ASIC2: variants seen among roughly 807,000 people sequenced by gnomAD.
ASIC2 encodes acid-sensing ion channel 2.
ASIC2 carries 25 observed loss-of-function variants against 57.3 expected under a neutral mutation model. That is an observed-to-expected ratio of 0.44 (90% CI 0.32 to 0.61). The LOEUF is 0.61. ASIC2 is among the 20% of genes least tolerant of loss of function. The pLI, the probability that ASIC2 is intolerant of heterozygous loss-of-function variation, is 0.06. For synonymous variants in ASIC2, 319 were observed against 307.5 expected (o/e 1.04, Z -0.39); for missense variants, 641 against 738.1 (o/e 0.87, Z 1.52).
rs144326122 is a variant in ASIC2, at chr17:33,990,194, G to A, written c.555+165784C>T. Among the ~76,000 whole-genome samples the A allele has an allele frequency of 7.8e-3, 1,188 of 152,252 alleles. 25 individuals carry two copies. Among genetic ancestry groups the A allele is most frequent in the African/African-American group, 0.027 (1,129 of 41,538 alleles). ...AAGTCCAAAGAGCCAGACAGGCCTGGTCACAGCTCTGCCTCTTACTAGCTG... is the reference window on the plus strand; with the variant it reads ...AAGTCCAAAGAGCCAGACAGGCCTGATCACAGCTCTGCCTCTTACTAGCTG... On this transcript the variant is annotated intron_variant, in intron 1 of 9. Coordinates refer to the ASIC2 transcript ENST00000359872.
intron 1 of ASIC2, among the ~76,000 whole-genome samples, chr17:33,648,843 G>T (rs1906831344): frequency 6.6e-6 from 1 of 152,170 alleles, no homozygotes; most frequent in African/African-American, 2.4e-5. Context: ...CTATAAAACT[G>T]TATTGTTAAA....
chr17:34,132,610 A>G (rs12952424), intron 1 of ASIC2, among the ~76,000 whole-genome samples: 12 of 71,138 alleles, frequency 1.7e-4, no homozygotes, highest in South Asian at 1.0e-3. Context: ...TTTACAGAGC[A>G]CTGATTGGTG....
chr17:33,250,302 T>G (rs986357930), intron 1 of ASIC2, among the ~76,000 whole-genome samples: 4 of 152,192 alleles, frequency 2.6e-5, no homozygotes, highest in Admixed American at 2.0e-4. Context: ...TTCGAGGAGC[T>G]GGGGTGTGGG....
At chr17:33,345,645 A>G (rs1907913454) in intron 1 of ASIC2, among the ~76,000 whole-genome samples, 1 of 152,246 alleles carries the variant, frequency 6.6e-6, no homozygotes, top group Non-Finnish European at 1.5e-5. Flanking sequence ...AGTTGGGAAC[A>G]AGGAAGAAGA....
At chr17:33,311,367 T>C (rs1347955552) in intron 1 of ASIC2, among the ~76,000 whole-genome samples, 1 of 152,146 alleles carries the variant, frequency 6.6e-6, no homozygotes, top group Non-Finnish European at 1.5e-5. Context: ...CCACCCCATG[T>C]ACATTCTGGT....
chr17:33,510,508 GGTGGT>G (rs1166637737), intron 1 of ASIC2, among the ~76,000 whole-genome samples: 1 of 152,022 alleles, frequency 6.6e-6, no homozygotes, highest in Non-Finnish European at 1.5e-5. Context: ...AGTTGGGTGT[GGTGGT>G]GCATGCCACA....
intron 1 of ASIC2, among the ~76,000 whole-genome samples, chr17:33,394,807 G>T (rs1488507797): frequency 6.6e-6 from 1 of 152,082 alleles, no homozygotes; most frequent in African/African-American, 2.4e-5. Context: ...GTATTGGTTG[G>T]TCATGTCGTT....
At chr17:33,441,134 A>G (rs1238106269) in intron 1 of ASIC2, among the ~76,000 whole-genome samples, 1 of 151,836 alleles carries the variant, frequency 6.6e-6, no homozygotes, top group African/African-American at 2.4e-5. Context: ...ATGCCTGGCT[A>G]ATTTATTTAC....
At chr17:33,713,087 C>T (rs1332566258) in intron 1 of ASIC2, among the ~76,000 whole-genome samples, 1 of 152,162 alleles carries the variant, frequency 6.6e-6, no homozygotes, top group East Asian at 1.9e-4. Context: ...TTTTTATGAC[C>T]TGATCTTGGA....
intron 1 of ASIC2, among the ~76,000 whole-genome samples, chr17:34,019,210 G>A (rs1907071320): frequency 6.6e-6 from 1 of 151,852 alleles, no homozygotes; most frequent in African/African-American, 2.4e-5. Flanking sequence ...CCTGGCCAAA[G>A]TAGATTCTTG....
intron 1 of ASIC2, among the ~76,000 whole-genome samples, chr17:33,416,457 G>A (rs1474078374): frequency 6.6e-6 from 1 of 152,162 alleles, no homozygotes; most frequent in Non-Finnish European, 1.5e-5. Flanking sequence ...CCTCTTTGCT[G>A]ACTGGTTACT....
In ASIC2 at chr17:33,842,209, C is replaced by A. The variant is rs561472986; in HGVS notation, c.555+313769G>T. 7.3e-4 allele frequency among the ~76,000 whole-genome samples: 111 copies of A among 152,304 alleles called. 1 individual carries two copies. The highest frequency in any genetic ancestry group is 2.6e-3 in the African/African-American group (109 of 41,570). ...ACACCCTCCCCTTAATGACTTGCAC[C>A]TGGCAACCTTCATTTAACGCAAAAC... On this transcript the variant is annotated intron_variant, in intron 1 of 9. Transcript: ENST00000359872.
At chr17:33,045,502 C>T (rs942681447) in intron 3 of ASIC2, among the ~76,000 whole-genome samples, 1 of 152,130 alleles carries the variant, frequency 6.6e-6, no homozygotes, top group African/African-American at 2.4e-5. Flanking sequence ...AGGAAGGAGC[C>T]TGGGCTTTGG....
intron 1 of ASIC2, among the ~76,000 whole-genome samples, chr17:33,365,136 A>C (rs1048837632): frequency 6.6e-6 from 1 of 152,140 alleles, no homozygotes; most frequent in Non-Finnish European, 1.5e-5. Flanking sequence ...GGATGTCTCC[A>C]ACTTCATACA....
chr17:33,854,196 A>T (rs552339764), intron 1 of ASIC2, among the ~76,000 whole-genome samples: 1 of 152,098 alleles, frequency 6.6e-6, no homozygotes, highest in Non-Finnish European at 1.5e-5. Flanking sequence ...ACTCCAGCTG[A>T]ATTTTGGAGG....
At chr17:34,036,518 A>T (rs1388104721) in intron 1 of ASIC2, among the ~76,000 whole-genome samples, 1 of 151,184 alleles carries the variant, frequency 6.6e-6, no homozygotes, top group East Asian at 1.9e-4. Context: ...AACTTAAAGT[A>T]TAATAATAAT....
chr17:33,486,223 T>C (rs1913570831), intron 1 of ASIC2, among the ~76,000 whole-genome samples: 2 of 152,350 alleles, frequency 1.3e-5, no homozygotes, highest in East Asian at 1.9e-4. Context: ...CTACGGGTAG[T>C]GTTTTCATGG....
At chr17:34,035,985 G>C (rs1045448948) in intron 1 of ASIC2, among the ~76,000 whole-genome samples, 1 of 151,800 alleles carries the variant, frequency 6.6e-6, no homozygotes, top group African/African-American at 2.4e-5. Flanking sequence ...CGATTCCTCA[G>C]AGATCTTGAA....
At chr17:33,735,939 G>T (rs2142094156) in intron 1 of ASIC2, among the ~76,000 whole-genome samples, 1 of 152,242 alleles carries the variant, frequency 6.6e-6, no homozygotes, top group East Asian at 1.9e-4. Context: ...ATGAATGAAT[G>T]AGTGAGTGAA....
Sources: gnomAD v4.1 joint callset for allele counts (sites outside exome capture counted in the v4.1 genomes callset) on GRCh38, gnomAD v4.1.1 for gene constraint, MANE v1.5 for transcripts, NCBI Gene and HGNC (gene_info 2026-07-23, HGNC 2026-07-21) for gene names.